Variants in PCDHGA6 observed in about 807,000 individuals in gnomAD.
PCDHGA6 encodes the protein protocadherin gamma subfamily A, 6, also known as protocadherin gamma-A6.
Under a neutral mutation model 60.6 loss-of-function variants are expected in PCDHGA6, and 41 were observed. That is an observed-to-expected ratio of 0.68 (90% CI 0.53 to 0.88). The LOEUF is 0.88. PCDHGA6 is among the 40% of genes least tolerant of loss of function. The pLI is 0.00. For synonymous variants in PCDHGA6, 594 were observed against 524.4 expected (o/e 1.13, Z -1.81); for missense variants, 1,312 against 1,203.0 (o/e 1.09, Z -1.34).
At chr5:141,452,193 G>A (rs764434048) in intron 1 of PCDHGA6, among the ~76,000 whole-genome samples, 3 of 151,990 alleles carry the variant, frequency 2.0e-5, no homozygotes, top group Admixed American at 6.6e-5. Context: ...ACCTCAAATT[G>A]TTTTAGATGT....
chr5:141,495,818 GTTC>G (rs2099764072), intron 2 of PCDHGA6, among the ~76,000 whole-genome samples: 1 of 151,904 alleles, frequency 6.6e-6, no homozygotes, highest in South Asian at 2.1e-4. Context: ...AGCGCCTTGT[GTTC>G]TTCTATCCCC....
At chr5:141,501,983 C>T (rs957901405) in intron 2 of PCDHGA6, among the ~76,000 whole-genome samples, 1 of 152,068 alleles carries the variant, frequency 6.6e-6, no homozygotes, top group Non-Finnish European at 1.5e-5. Context: ...CATCTGGTCC[C>T]GTTGTCTCCC....
chr5:141,501,288 TATACACAC>T (rs1482707793), intron 2 of PCDHGA6, among the ~76,000 whole-genome samples: 1 of 81,228 alleles, frequency 1.2e-5, no homozygotes, highest in African/African-American at 4.9e-5. Flanking sequence ...GATATTCCCT[TATACACAC>T]ACACACACAC....
intron 1 of PCDHGA6, among the ~76,000 whole-genome samples, chr5:141,462,288 G>A (rs1239615759): frequency 3.9e-5 from 6 of 152,196 alleles, no homozygotes; most frequent in Non-Finnish European, 7.3e-5. Flanking sequence ...CACCAAATAT[G>A]TAAGTATTAC....
intron 1 of PCDHGA6, chr5:141,427,874 G>A: frequency 1.3e-6 from 2 of 1,560,274 alleles, no homozygotes; most frequent in South Asian, 2.2e-5. Flanking sequence ...AGCTCACGAT[G>A]CAGGCCCACG....
intron 1 of PCDHGA6, chr5:141,422,162 A>T: frequency 6.4e-7 from 1 of 1,571,230 alleles, no homozygotes; most frequent in Non-Finnish European, 8.6e-7. Context: ...GATTTTGAAA[A>T]ATATAGATTC....
chr5:141,428,177 G>A lies in PCDHGA6; in HGVS notation c.2424+51670G>A, dbSNP rs754811645. The A allele has an allele frequency of 1.4e-5, 21 of 1,510,058 alleles. 1 individual carries two copies. The South Asian group carries it at 1.7e-4, about 12-fold the overall frequency. The allele number at this position is 1,510,058 out of a possible 1,614,324, so 93.5% of individuals were successfully genotyped here. ...CCTGCTGGTTGCTGTGCGTGACGGA[G>A]GACAGCCGCCGCTCTCTGCGCCGCT... On this transcript the variant is annotated intron_variant, in intron 1 of 3. Coordinates refer to ENST00000517434, the MANE Select transcript of PCDHGA6 (RefSeq NM_018919.3).
chr5:141,470,791 A>G (rs1234712958), intron 1 of PCDHGA6, among the ~76,000 whole-genome samples: 3 of 152,152 alleles, frequency 2.0e-5, no homozygotes, highest in African/African-American at 7.2e-5. Context: ...GGGCTCAAGC[A>G]ATCCTCCCAC....
chr5:141,395,403 A>C (rs1383871945), intron 1 of PCDHGA6: 7 of 849,376 alleles, frequency 8.2e-6, no homozygotes, highest in Non-Finnish European at 1.2e-5. Context: ...TCTAATAGTC[A>C]TAGGTTATTG....
chr5:141,432,286 C>T lies in PCDHGA6; in HGVS notation c.2424+55779C>T. ...TATCGTCCTACGTGTCCATCAACTCCGACACTGGGGTACTGTATGCGCTGA... is the reference window on the plus strand; with the variant it reads ...TATCGTCCTACGTGTCCATCAACTCTGACACTGGGGTACTGTATGCGCTGA... On this transcript the variant is annotated intron_variant, in intron 1 of 3. Transcript: ENST00000517434. This position sits in a 1 kb window ranked among gnomAD's most constrained non-coding sequence, Gnocchi z 6.0. 3 of 1,614,252 alleles carry T rather than the reference C, an allele frequency of 1.9e-6. No homozygotes were observed. Among genetic ancestry groups the T allele is most frequent in the Non-Finnish European group, 2.5e-6 (3 of 1,180,048 alleles).
Position 141,376,356 on chromosome 5 carries a change from CA to C in PCDHGA6, c.2274del (p.Leu759SerfsTer10), listed in dbSNP as rs1259525756. 4 of 1,614,228 alleles carry C rather than the reference CA, an allele frequency of 2.5e-6. No individual in the cohort carries two copies. Among genetic ancestry groups the C allele is most frequent in the Non-Finnish European group, 1.7e-6 (2 of 1,180,050 alleles). On this transcript the variant is annotated frameshift_variant, in exon 1 of 4. Coordinates refer to ENST00000517434, the MANE Select transcript of PCDHGA6 (RefSeq NM_018919.3). LOFTEE classifies it high-confidence loss of function. Reference protein sequence around the residue: ...AFLQTYSHEVSLTADSRKSHL... With the variant: ...AFLQTYSHEVXLTADSRKSHL... ...CTGCAGACCTATTCCCACGAGGTCT[CA>C]CTCACTGCAGACTCGCGTAAGAGTC...
At chr5:141,395,901 C>G (rs1019647060) in intron 1 of PCDHGA6, 6 of 152,046 alleles carry the variant, frequency 3.9e-5, no homozygotes, top group African/African-American at 1.4e-4. Flanking sequence ...GCTCCATGCC[C>G]ATGGAGACAT....
intron 1 of PCDHGA6, among the ~76,000 whole-genome samples, chr5:141,443,765 A>G (rs577762947): frequency 6.6e-6 from 1 of 152,340 alleles, no homozygotes; most frequent in East Asian, 1.9e-4. Context: ...TACAATATAC[A>G]ATATTACCAA....
intron 1 of PCDHGA6, chr5:141,399,174 T>A: frequency 6.2e-7 from 1 of 1,613,818 alleles, no homozygotes; most frequent in Non-Finnish European, 8.5e-7. Flanking sequence ...ATTCTCTACT[T>A]GAAATGATTC....
rs556656447 is a variant in PCDHGA6 at position 141,500,319 on chromosome 5, C to CT, written c.2484-5073dup. Among the ~76,000 whole-genome samples the CT allele has an allele frequency of 2.6e-5, 4 of 152,122 alleles. No homozygotes were observed. The South Asian group carries it at 8.3e-4, about 32-fold the overall frequency. Reference sequence around the variant, plus strand: ...CGCCTCCCAGGTTCACGCCATGCTCCTGCCTCAGCCTCCAGAATAGCTGGG... The same window carrying CT: ...CGCCTCCCAGGTTCACGCCATGCTCCTTGCCTCAGCCTCCAGAATAGCTGGG... On this transcript the variant is annotated intron_variant, in intron 2 of 3. Coordinates refer to ENST00000517434, the MANE Select transcript of PCDHGA6 (RefSeq NM_018919.3).
In PCDHGA6 at chr5:141,489,801, T is replaced by C. The variant is rs201458939; in HGVS notation, c.2425-5006T>C. 6.2e-7 allele frequency: 1 copy of C among 1,614,148 alleles called. No homozygotes were observed. On this transcript the variant is annotated intron_variant, in intron 1 of 3. Coordinates refer to ENST00000517434, the MANE Select transcript of PCDHGA6 (RefSeq NM_018919.3). The surrounding 1 kb of genome is among the most constrained non-coding windows in gnomAD (Gnocchi z 4.5). The stretch of plus-strand genomic sequence containing the variant: ...CTCTGAATGTGAAGACCCTAAAAGA[T>C]GGGAAGCCATTCCCAGAGCTGGTGC...
At position 141,491,796 on chromosome 5, in the gene PCDHGA6, C is replaced by T. The variant is rs1487915203; in HGVS notation, c.2425-3011C>T. The stretch of plus-strand genomic sequence containing the variant: ...GATTGAACTTGCATCCACTCCTCTC[C>T]GGCCGGCTTGGTCGCTGGCTGCGCT... On this transcript the variant is annotated intron_variant, in intron 1 of 3. Transcript: ENST00000517434. The surrounding 1 kb of genome is among the most constrained non-coding windows in gnomAD (Gnocchi z 6.9). 6.6e-7 allele frequency: 1 copy of T among 1,509,866 alleles called. No homozygotes were observed. The highest frequency in any genetic ancestry group is 2.4e-5 in the Admixed American group (1 of 42,218). The allele number at this position is 1,509,866 out of a possible 1,614,324, so 93.5% of individuals were successfully genotyped here. A position where few individuals can be genotyped will look rare whatever the true frequency, so the allele number is the denominator to read the frequency against.
At chr5:141,450,835 T>TATTA (rs1438371595) in intron 1 of PCDHGA6, among the ~76,000 whole-genome samples, 1 of 142,096 alleles carries the variant, frequency 7.0e-6, no homozygotes, top group Admixed American at 6.9e-5. Context: ...TATTATTTTT[T>TATTA]TTTTTTTGAG....
chr5:141,417,785 A>C (rs1273908599), intron 1 of PCDHGA6: 22 of 1,476,018 alleles, frequency 1.5e-5, no homozygotes, highest in Non-Finnish European at 1.7e-5. Context: ...TCCTGGGCCG[A>C]ATGCTCTTTT....
Sources: gnomAD v4.1 joint callset for allele counts (sites outside exome capture counted in the v4.1 genomes callset) on GRCh38, gnomAD v4.1.1 for gene constraint, Gnocchi (gnomAD v3.1) non-coding constraint, MANE v1.5 for transcripts, NCBI Gene and HGNC (gene_info 2026-07-23, HGNC 2026-07-21) for gene names.